LRRK2: variants seen among roughly 807,000 people sequenced by gnomAD.
The protein encoded by LRRK2 is leucine rich repeat kinase 2.
A neutral mutation model predicts 302.6 loss-of-function variants in LRRK2; 203 were observed. That is an observed-to-expected ratio of 0.67 (90% CI 0.60 to 0.75). The LOEUF is 0.75. LRRK2 is among the 30% of genes least tolerant of loss of function. The probability of loss-of-function intolerance (pLI) is 0.00; values close to 1 mark genes in which losing one functional copy is unlikely to be tolerated. For synonymous variants in LRRK2, 1,066 were observed against 1,031.9 expected (o/e 1.03, Z -0.63); for missense variants, 2,830 against 2,951.0 (o/e 0.96, Z 0.95).
intron 31 of LRRK2, 36 bp downstream of exon 31, chr12:40,310,685 T>A (rs748409578): frequency 2.5e-6 from 4 of 1,599,050 alleles, no homozygotes; most frequent in Middle Eastern, 1.7e-4. Context: ...TGTAATTTAT[T>A]GATTCTCAAC....
intron 16 of LRRK2, among the ~76,000 whole-genome samples, chr12:40,277,455 TGC>T (rs1240616879): frequency 6.6e-6 from 1 of 152,192 alleles, no homozygotes; most frequent in African/African-American, 2.4e-5. Flanking sequence ...CTGGGGGATA[TGC>T]TAGGCTCTCT....
Position 40,235,669 on chromosome 12 carries a change from T to C in LRRK2, c.391T>C (p.Leu131=). ...AACAGTTCATAATGCCAGTGTAAAC[T>C]TGTCAGTGATTGGACTGAAGACCTT... ...MLTVHNASVN[L]SVIGLKTLDL... The change falls in exon 4 of 51, where the codon TTG becomes CTG. Residue 131 remains leucine, a synonymous_variant. Transcript: ENST00000298910. 1.9e-6 allele frequency: 3 copies of C among 1,610,140 alleles called. No homozygotes were observed. Among genetic ancestry groups the C allele is most frequent in the Non-Finnish European group, 2.5e-6 (3 of 1,176,488 alleles).
At chr12:40,247,133 T>G (rs1044009526) in intron 7 of LRRK2, among the ~76,000 whole-genome samples, 6 of 152,178 alleles carry the variant, frequency 3.9e-5, no homozygotes, top group African/African-American at 7.2e-5. Context: ...CTAATTGACA[T>G]GTCTCCATTG....
At chr12:40,362,805 A>T (rs924181813) in intron 47 of LRRK2, among the ~76,000 whole-genome samples, 3 of 151,990 alleles carry the variant, frequency 2.0e-5, no homozygotes, top group Admixed American at 1.3e-4. Flanking sequence ...AGGTGTTCGT[A>T]ATTTTTCTTT....
At chr12:40,293,157 A>G (rs1310785536) in intron 20 of LRRK2, among the ~76,000 whole-genome samples, 2 of 152,200 alleles carry the variant, frequency 1.3e-5, no homozygotes, top group South Asian at 2.1e-4. Context: ...ATCAGATTGC[A>G]TACAAACTTT....
At chr12:40,265,765 C>T (rs564500925) in intron 14 of LRRK2, among the ~76,000 whole-genome samples, 5 of 152,262 alleles carry the variant, frequency 3.3e-5, no homozygotes, top group Non-Finnish European at 5.9e-5. Flanking sequence ...TACAAAGCTA[C>T]AGTAACCAAA....
Position 40,252,942 on chromosome 12 carries a change from T to C in LRRK2, c.1214T>C (p.Met405Thr), listed in dbSNP as rs1443893985. 1.9e-6 allele frequency: 3 copies of C among 1,613,354 alleles called. No individual in the cohort carries two copies. The highest frequency in any genetic ancestry group is 2.5e-6 in the Non-Finnish European group (3 of 1,179,458). The change falls in exon 11 of 51, where the codon ATG (methionine) becomes ACG (threonine). Residue 405 changes from methionine (M) to threonine (T), a missense_variant. Coordinates refer to ENST00000298910, the MANE Select transcript of LRRK2 (RefSeq NM_198578.4). The part of the protein sequence containing the change: ...FPAHREVMLS[M>T]LMHSSSKEVF... ...GCTCATAGGGAAGTGATGCTCTCCATGCTGATGCATTCTTCATCAAAGGAA... is the reference window on the plus strand; with the variant it reads ...GCTCATAGGGAAGTGATGCTCTCCACGCTGATGCATTCTTCATCAAAGGAA...
In LRRK2 at chr12:40,310,030, GA is replaced by G. The variant is rs1464039775; in HGVS notation, c.4318-399del. Among the ~76,000 whole-genome samples, 11 of 152,210 alleles carry G rather than the reference GA, an allele frequency of 7.2e-5. No homozygotes were observed. In the East Asian group the frequency reaches 9.7e-4, roughly 13 times the overall value. On this transcript the variant is annotated intron_variant, in intron 30 of 50. Coordinates refer to ENST00000298910, the MANE Select transcript of LRRK2 (RefSeq NM_198578.4). ...ATTGGTTGACTTTAAAACGAATTTAGAAGATTAAATTCACAGATAAGGAAGA... is the reference window on the plus strand; with the variant it reads ...ATTGGTTGACTTTAAAACGAATTTAGAGATTAAATTCACAGATAAGGAAGA...
chr12:40,296,520 T>C (rs1944391221), intron 23 of LRRK2, among the ~76,000 whole-genome samples: 1 of 151,798 alleles, frequency 6.6e-6, no homozygotes. Context: ...TGGTCCCAGC[T>C]ACTTGGGATG....
At chr12:40,257,476 A>T in intron 12 of LRRK2, 99 bp downstream of exon 12, 3 of 1,418,628 alleles carry the variant, frequency 2.1e-6, no homozygotes, top group Non-Finnish European at 9.8e-7. Flanking sequence ...GAAAAAGAAA[A>T]ACATAAGACA....
intron 39 of LRRK2, among the ~76,000 whole-genome samples, chr12:40,334,683 G>C (rs1327856593): frequency 6.6e-6 from 1 of 152,110 alleles, no homozygotes; most frequent in Admixed American, 6.6e-5. Flanking sequence ...GTAGAGGAAA[G>C]GTTGGTCTTG....
chr12:40,336,964 A>G (rs1044639815), intron 40 of LRRK2, among the ~76,000 whole-genome samples: 1 of 152,206 alleles, frequency 6.6e-6, no homozygotes, highest in Non-Finnish European at 1.5e-5. Context: ...AAAATGACTT[A>G]TTCTAGTTCT....
chr12:40,323,807 T>C (rs1565751875), intron 38 of LRRK2, among the ~76,000 whole-genome samples: 1 of 152,068 alleles, frequency 6.6e-6, no homozygotes, highest in Non-Finnish European at 1.5e-5. Flanking sequence ...ACTTTTTTTT[T>C]TTTTTTTGAT....
chr12:40,308,079 G>A (rs991660507), intron 28 of LRRK2, among the ~76,000 whole-genome samples: 9 of 151,834 alleles, frequency 5.9e-5, no homozygotes, highest in Non-Finnish European at 1.2e-4. Flanking sequence ...CGCACCTGGC[G>A]TATAATTTGT....
chr12:40,298,778 A>AATATATAT (rs113272586), intron 24 of LRRK2, among the ~76,000 whole-genome samples: 883 of 60,672 alleles, frequency 0.015, 114 homozygotes, highest in Admixed American at 0.067. Flanking sequence ...GTCTCAAAGA[A>AATATATAT]ATATATATAT....
rs1256157881 is a variant in LRRK2 at position 40,298,578 on chromosome 12, T to C, written c.3347+85T>C. 2.6e-6 allele frequency: 4 copies of C among 1,524,096 alleles called. No individual in the cohort carries two copies. In the African/African-American group the frequency reaches 5.5e-5, roughly 21 times the overall value. The allele number at this position is 1,524,096 out of a possible 1,614,324, so 94.4% of individuals were successfully genotyped here. A position where few individuals can be genotyped will look rare whatever the true frequency, so the allele number is the denominator to read the frequency against. On this transcript the variant is annotated intron_variant, in intron 24 of 50. Transcript: ENST00000298910. ...ATGCTGACATTTTTATAGCAATGAG[T>C]TTTAACAACATGGTGAAACTCCATC...
intron 20 of LRRK2, among the ~76,000 whole-genome samples, chr12:40,289,167 A>G (rs1483573402): frequency 6.6e-6 from 1 of 151,846 alleles, no homozygotes; most frequent in Non-Finnish European, 1.5e-5. Context: ...TGAAAATATT[A>G]TATAATTCCT....
chr12:40,251,631 GT>G, intron 10 of LRRK2, 87 bp downstream of exon 10: 1 of 1,184,838 alleles, frequency 8.4e-7, no homozygotes, highest in Non-Finnish European at 1.2e-6. Context: ...AACTTTTATT[GT>G]TAGAAATATT....
rs1224562784 is a variant in LRRK2, at chr12:40,263,788, G to A, written c.1544-1G>A. On this transcript the variant is annotated splice_acceptor_variant, in intron 13 of 50. Coordinates refer to ENST00000298910, the MANE Select transcript of LRRK2 (RefSeq NM_198578.4). LOFTEE classifies it high-confidence loss of function. ...CTTTATTTATTTATCTGTGCATTTA[G>A]GCATGCCAGAAGAATCCAGGGAGGA... The A allele has an allele frequency of 1.3e-6, 2 of 1,599,618 alleles. No individual in the cohort carries two copies. Among genetic ancestry groups the A allele is most frequent in the Non-Finnish European group, 1.7e-6 (2 of 1,167,444 alleles).
Sources: gnomAD v4.1 joint callset for allele counts (sites outside exome capture counted in the v4.1 genomes callset) on GRCh38, gnomAD v4.1.1 for gene constraint, MANE v1.5 for transcripts, NCBI Gene and HGNC (gene_info 2026-07-23, HGNC 2026-07-21) for gene names.